MCU: variants seen among roughly 807,000 people sequenced by gnomAD.
MCU encodes calcium uniporter protein, mitochondrial.
Under a neutral mutation model 45.2 loss-of-function variants are expected in MCU, and 12 were observed. The observed-to-expected ratio is 0.27, with a 90% CI of 0.17 to 0.43. The LOEUF (loss-of-function observed/expected upper bound fraction) is 0.43, where lower values mean the gene tolerates loss of function less well. MCU is among the 20% of genes least tolerant of loss of function. The pLI is 1.00. For synonymous variants in MCU, 160 were observed against 165.1 expected, an observed-to-expected ratio of 0.97 and a Z score of 0.24; for missense variants, 324 against 436.7, an observed-to-expected ratio of 0.74 and a Z score of 2.30.
chr10:72,733,229 C>A (rs566058154), intron 1 of MCU, among the ~76,000 whole-genome samples: 1 of 152,148 alleles, frequency 6.6e-6, no homozygotes, highest in Non-Finnish European at 1.5e-5. Flanking sequence ...GATGCTGAGG[C>A]GGGTGGATCA....
chr10:72,731,702 A>C (rs1473468302), intron 1 of MCU, among the ~76,000 whole-genome samples: 1 of 152,180 alleles, frequency 6.6e-6, no homozygotes, highest in Admixed American at 6.5e-5. Flanking sequence ...TTTGAATGGA[A>C]TCATATAATA....
intron 1 of MCU, among the ~76,000 whole-genome samples, chr10:72,756,217 G>A (rs933323597): frequency 6.6e-6 from 1 of 152,034 alleles, no homozygotes; most frequent in African/African-American, 2.4e-5. Context: ...GAACTCGTGA[G>A]CTCAAGCAAT....
At chr10:72,879,962 C>T (rs1564582982) in intron 6 of MCU, among the ~76,000 whole-genome samples, 1 of 152,116 alleles carries the variant, frequency 6.6e-6, no homozygotes, top group Non-Finnish European at 1.5e-5. Context: ...GCATGAGAAT[C>T]GCTTGAACCC....
At chr10:72,707,829 T>C (rs1402125671) in intron 1 of MCU, among the ~76,000 whole-genome samples, 1 of 152,128 alleles carries the variant, frequency 6.6e-6, no homozygotes. Context: ...CCTAAAGGGC[T>C]TTTAATTTTT....
chr10:72,725,872 G>A (rs141340128), intron 1 of MCU, among the ~76,000 whole-genome samples: 2 of 151,882 alleles, frequency 1.3e-5, no homozygotes, highest in South Asian at 2.1e-4. Context: ...CAACAAGAGC[G>A]AAACTGTCTG....
rs189054399 is a variant in MCU at position 72,773,984 on chromosome 10, A to G, written c.151-60375A>G. On this transcript the variant is annotated intron_variant, in intron 1 of 7. Transcript: ENST00000373053. ...CAAGAAATGCTAAAGGGAATTCTTCAATCTGAAAGAAAACATAAACCAACA... is the reference window on the plus strand; with the variant it reads ...CAAGAAATGCTAAAGGGAATTCTTCGATCTGAAAGAAAACATAAACCAACA... Among the ~76,000 whole-genome samples the G allele has an allele frequency of 1.6e-4, 24 of 152,362 alleles. 1 individual carries two copies. The highest frequency in any genetic ancestry group is 5.8e-4 in the African/African-American group (24 of 41,588).
chr10:72,802,391 C>A (rs894101994), intron 1 of MCU, among the ~76,000 whole-genome samples: 2 of 147,718 alleles, frequency 1.4e-5, no homozygotes, highest in African/African-American at 5.0e-5. Context: ...TATAAATGAG[C>A]GCTGTTTGAG....
intron 4 of MCU, among the ~76,000 whole-genome samples, chr10:72,867,777 C>A (rs1379276406): frequency 6.6e-6 from 1 of 151,416 alleles, no homozygotes; most frequent in African/African-American, 2.4e-5. Context: ...ATGGTGTGAA[C>A]CCAGGAGGTG....
intron 5 of MCU, among the ~76,000 whole-genome samples, 184 bp from the exon 6 acceptor site, chr10:72,871,193 C>G (rs956559556): frequency 1.3e-5 from 2 of 152,188 alleles, no homozygotes; most frequent in Admixed American, 1.3e-4. Context: ...AGCCACTGCA[C>G]CTGGCCTAAG....
At chr10:72,781,617 A>G (rs923125420) in intron 1 of MCU, among the ~76,000 whole-genome samples, 1 of 152,222 alleles carries the variant, frequency 6.6e-6, no homozygotes, top group African/African-American at 2.4e-5. Flanking sequence ...AAACTTAAGC[A>G]GATGTTTTGT....
chr10:72,742,154 T>C (rs757624216), intron 1 of MCU, among the ~76,000 whole-genome samples: 2 of 152,124 alleles, frequency 1.3e-5, no homozygotes, highest in Non-Finnish European at 2.9e-5. Context: ...ATATTTACCA[T>C]TGTTTTACAG....
chr10:72,815,986 C>G (rs1304316736), intron 1 of MCU, among the ~76,000 whole-genome samples: 1 of 152,002 alleles, frequency 6.6e-6, no homozygotes, highest in East Asian at 1.9e-4. Flanking sequence ...CAAGATCAGC[C>G]TGGCCAACAT....
chr10:72,766,147 C>T (rs1387205470), intron 1 of MCU, among the ~76,000 whole-genome samples: 2 of 152,164 alleles, frequency 1.3e-5, no homozygotes, highest in African/African-American at 2.4e-5. Context: ...GGATTGCAGG[C>T]GTGAGCCACC....
At chr10:72,719,477 T>G (rs748261839) in intron 1 of MCU, among the ~76,000 whole-genome samples, 1 of 152,230 alleles carries the variant, frequency 6.6e-6, no homozygotes, top group East Asian at 1.9e-4. Flanking sequence ...GAATGATCGG[T>G]CAAATAGTTG....
intron 1 of MCU, among the ~76,000 whole-genome samples, chr10:72,793,001 C>T (rs185068525): frequency 6.6e-6 from 1 of 152,006 alleles, no homozygotes; most frequent in Non-Finnish European, 1.5e-5. Flanking sequence ...GCCTCAGCTT[C>T]CTGGGTAGCT....
chr10:72,745,119 A>G (rs1288227584), intron 1 of MCU, among the ~76,000 whole-genome samples: 1 of 152,198 alleles, frequency 6.6e-6, no homozygotes, highest in African/African-American at 2.4e-5. Context: ...CTTATGGACA[A>G]TTTAGATCAA....
At chr10:72,813,746 C>T (rs1844582298) in intron 1 of MCU, among the ~76,000 whole-genome samples, 2 of 151,862 alleles carry the variant, frequency 1.3e-5, no homozygotes, top group African/African-American at 4.8e-5. Flanking sequence ...GGCGTGAGCC[C>T]CTGCGCCCAG....
At chr10:72,755,856 A>G (rs1006751660) in intron 1 of MCU, among the ~76,000 whole-genome samples, 2 of 138,348 alleles carry the variant, frequency 1.4e-5, no homozygotes, top group African/African-American at 5.5e-5. Flanking sequence ...TTTTTTTTTC[A>G]TTGAGACAGA....
intron 1 of MCU, among the ~76,000 whole-genome samples, chr10:72,715,393 T>G (rs889171255): frequency 3.9e-5 from 6 of 152,222 alleles, no homozygotes; most frequent in Non-Finnish European, 5.9e-5. Context: ...GGGCTGAGTT[T>G]AGTGAGGTGA....
Sources: gnomAD v4.1 joint callset for allele counts (sites outside exome capture counted in the v4.1 genomes callset) on GRCh38, gnomAD v4.1.1 for gene constraint, MANE v1.5 for transcripts, NCBI Gene and HGNC (gene_info 2026-07-23, HGNC 2026-07-21) for gene names.